The following IGF1 variants were observed in gnomAD, a reference collection of about 807,000 sequenced individuals.
The protein encoded by IGF1 is insulin-like growth factor 1.
A neutral mutation model predicts 13.8 loss-of-function variants in IGF1; 4 were observed. The ratio of observed to expected loss-of-function variants is 0.29; its 90% CI spans 0.14 to 0.66. The LOEUF (loss-of-function observed/expected upper bound fraction) is 0.66, where lower values mean the gene tolerates loss of function less well. Among genes scored for constraint, IGF1 ranks in the 30% least tolerant of loss-of-function variants. IGF1 has a pLI of 0.78. For missense variants in IGF1, 124 were observed against 188.5 expected (o/e 0.66, Z 2.00); for synonymous variants, 76 against 72.6 (o/e 1.05, Z -0.23).
upstream of IGF1, chr12:102,481,748 G>A (rs968292917): frequency 3.3e-5 from 5 of 151,942 alleles, no homozygotes; most frequent in African/African-American, 1.2e-4. Context: ...CAGGAGTGGT[G>A]GAAATAACCT....
chr12:102,395,892 T>C lies in IGF1; in HGVS notation c.*6615A>G, dbSNP rs887733056. On this transcript the variant is annotated 3_prime_UTR_variant, in exon 4 of 4. Transcript: ENST00000337514. ...GAACTAATTAATCAAACATGACTAATTTTAATGTAATTACTAAAGAAAGAT... is the reference window on the plus strand; with the variant it reads ...GAACTAATTAATCAAACATGACTAACTTTAATGTAATTACTAAAGAAAGAT... 2 of 152,182 alleles carry C rather than the reference T, an allele frequency of 1.3e-5. No individual in the cohort carries two copies. Among genetic ancestry groups the C allele is most frequent in the African/African-American group, 2.4e-5 (1 of 41,452 alleles). The allele number at this position is 152,182 out of a possible 1,614,324, so 9.4% of individuals were successfully genotyped here.
At chr12:102,419,462 G>T in intron 3 of IGF1, 47 bp downstream of exon 3, 1 of 1,590,508 alleles carries the variant, frequency 6.3e-7, no homozygotes, top group South Asian at 1.1e-5. Flanking sequence ...ACATGCACAA[G>T]AGAGAGACCA....
chr12:102,473,327 C>T (rs1274423382), intron 2 of IGF1, among the ~76,000 whole-genome samples: 1 of 152,202 alleles, frequency 6.6e-6, no homozygotes, highest in African/African-American at 2.4e-5. Flanking sequence ...AGGTCAATCT[C>T]TCATTCATTT....
intron 2 of IGF1, among the ~76,000 whole-genome samples, chr12:102,423,383 T>A (rs1875918374): frequency 6.6e-6 from 1 of 152,014 alleles, no homozygotes; most frequent in Non-Finnish European, 1.5e-5. Context: ...TACTCAACTG[T>A]TAGAATGAAT....
intron 3 of IGF1, among the ~76,000 whole-genome samples, chr12:102,412,362 G>A (rs1202466360): frequency 1.3e-5 from 2 of 151,982 alleles, no homozygotes; most frequent in Non-Finnish European, 2.9e-5. Flanking sequence ...GCTCTGTAAT[G>A]GGTGCAACAA....
At position 102,395,992 on chromosome 12, in the gene IGF1, T is replaced by C. The variant is rs1873149483; in HGVS notation, c.*6515A>G. 1 of 152,228 alleles carries C rather than the reference T, an allele frequency of 6.6e-6. No individual in the cohort carries two copies. Among genetic ancestry groups the C allele is most frequent in the Non-Finnish European group, 1.5e-5 (1 of 68,038 alleles). The allele number at this position is 152,228 out of a possible 1,614,324, so 9.4% of individuals were successfully genotyped here. On this transcript the variant is annotated 3_prime_UTR_variant, in exon 4 of 4. Coordinates refer to ENST00000337514, the MANE Select transcript of IGF1 (RefSeq NM_000618.5). The stretch of plus-strand genomic sequence containing the variant: ...TTAAACAGTAAATGTAAGATAATGA[T>C]TCAATTAGTTACATTTTTAGAAGTC...
intron 1 of IGF1, among the ~76,000 whole-genome samples, chr12:102,477,427 T>C (rs1298133130): frequency 6.6e-6 from 1 of 151,996 alleles, no homozygotes; most frequent in African/African-American, 2.4e-5. Context: ...AAAGCTCAAC[T>C]GAACATTTAC....
intron 2 of IGF1, among the ~76,000 whole-genome samples, chr12:102,466,445 G>A (rs770650724): frequency 1.2e-4 from 19 of 152,172 alleles, no homozygotes; most frequent in Non-Finnish European, 2.4e-4. Context: ...GCACCTAGTG[G>A]ATAGAGGCCA....
intron 2 of IGF1, among the ~76,000 whole-genome samples, chr12:102,445,924 TGA>T (rs1878281581): frequency 2.0e-5 from 3 of 152,204 alleles, no homozygotes; most frequent in African/African-American, 7.2e-5. Context: ...CCTAGTTTAT[TGA>T]GAGTTTTTAG....
chr12:102,480,526 T>A lies in IGF1; in HGVS notation c.-145A>T, dbSNP rs1881339730. ...TCCATTGCGCAGGCTCTATCTGCTCTGAATTTAGCAGTGACAGTGAGATTT... is the reference window on the plus strand; with the variant it reads ...TCCATTGCGCAGGCTCTATCTGCTCAGAATTTAGCAGTGACAGTGAGATTT... On this transcript the variant is annotated 5_prime_UTR_variant, in exon 1 of 4. Coordinates refer to ENST00000337514, the MANE Select transcript of IGF1 (RefSeq NM_000618.5). The A allele has an allele frequency of 6.6e-7, 1 of 1,512,218 alleles. No individual in the cohort carries two copies. Among genetic ancestry groups the A allele is most frequent in the African/African-American group, 1.4e-5 (1 of 72,380 alleles). 93.7% of individuals were successfully genotyped at this position (1,512,218 alleles called of 1,614,324 possible). A position where few individuals can be genotyped will look rare whatever the true frequency, so the allele number is the denominator to read the frequency against.
At chr12:102,424,845 G>A (rs558303112) in intron 2 of IGF1, among the ~76,000 whole-genome samples, 2 of 152,212 alleles carry the variant, frequency 1.3e-5, no homozygotes, top group Non-Finnish European at 2.9e-5. Flanking sequence ...AGAATTCATA[G>A]GATTTGCATT....
intron 2 of IGF1, among the ~76,000 whole-genome samples, chr12:102,456,221 G>GTT (rs1555247063): frequency 2.2e-4 from 31 of 140,276 alleles, no homozygotes; most frequent in African/African-American, 6.1e-4. Context: ...ATTTAAAAAA[G>GTT]GTGTGTGTGT....
chr12:102,469,662 C>T (rs1486051511), intron 2 of IGF1, among the ~76,000 whole-genome samples: 3 of 152,068 alleles, frequency 2.0e-5, no homozygotes, highest in East Asian at 1.9e-4. Flanking sequence ...GATTCTTGCT[C>T]CTTATCTCCC....
chr12:102,464,746 AAATTT>A (rs1880180041), intron 2 of IGF1, among the ~76,000 whole-genome samples: 2 of 152,112 alleles, frequency 1.3e-5, no homozygotes, highest in African/African-American at 4.8e-5. Flanking sequence ...TCAAACAAAA[AAATTT>A]AATTCCCCTA....
At chr12:102,409,662 A>T (rs140200726) in intron 3 of IGF1, among the ~76,000 whole-genome samples, 1 of 152,074 alleles carries the variant, frequency 6.6e-6, no homozygotes, top group Admixed American at 6.6e-5. Context: ...ACTGTGGTCT[A>T]TCTATCTCGG....
rs1873512717 is a variant in IGF1, at chr12:102,399,598, T to C, written c.*2909A>G. 1 of 152,178 alleles carries C rather than the reference T, an allele frequency of 6.6e-6. No individual in the cohort carries two copies. The highest frequency in any genetic ancestry group is 2.4e-5 in the African/African-American group (1 of 41,456). 9.4% of individuals were successfully genotyped at this position (152,178 alleles called of 1,614,324 possible). A position where few individuals can be genotyped will look rare whatever the true frequency, so the allele number is the denominator to read the frequency against. On this transcript the variant is annotated 3_prime_UTR_variant, in exon 4 of 4. Coordinates refer to ENST00000337514, the MANE Select transcript of IGF1 (RefSeq NM_000618.5). Reference sequence around the variant, plus strand: ...TAAAAAATAAAATAGTGAATTGGTATAATGAGTTATTTTCAATTTATTTAT... The same window carrying C: ...TAAAAAATAAAATAGTGAATTGGTACAATGAGTTATTTTCAATTTATTTAT...
intron 2 of IGF1, among the ~76,000 whole-genome samples, chr12:102,450,371 G>A (rs112529659): frequency 2.7e-4 from 41 of 152,318 alleles, no homozygotes; most frequent in African/African-American, 9.1e-4. Context: ...GCCTTTTGGC[G>A]CTGCTTTCCA....
intron 2 of IGF1, among the ~76,000 whole-genome samples, chr12:102,425,576 GC>G (rs1448759297): frequency 6.6e-6 from 1 of 152,202 alleles, no homozygotes; most frequent in African/African-American, 2.4e-5. Flanking sequence ...CTATGGGGCT[GC>G]CCCTTTGTTG....
chr12:102,427,746 C>G (rs1425157217), intron 2 of IGF1, among the ~76,000 whole-genome samples: 1 of 152,164 alleles, frequency 6.6e-6, no homozygotes, highest in South Asian at 2.1e-4. Context: ...GGAAGACAGC[C>G]TCTACAGCAG....
Sources: allele counts gnomAD v4.1 joint callset (sites outside exome capture counted in the v4.1 genomes callset), GRCh38; gene constraint gnomAD v4.1.1; transcripts MANE v1.5; gene names NCBI Gene and HGNC (gene_info 2026-07-23, HGNC 2026-07-21).